MYO16: variants seen among roughly 807,000 people sequenced by gnomAD.
The protein encoded by MYO16 is unconventional myosin-XVI.
MYO16 carries 94 observed loss-of-function variants against 205.3 expected under a neutral mutation model. That is an observed-to-expected ratio of 0.46 (90% CI 0.39 to 0.54). The LOEUF (loss-of-function observed/expected upper bound fraction) is 0.54. Ranked by LOEUF, MYO16 falls within the 20% of genes least tolerant of loss-of-function variation. The pLI is 0.00. For missense variants in MYO16, 2,315 were observed against 2,387.5 expected (o/e 0.97, Z 0.63); for synonymous variants, 988 against 954.0 (o/e 1.04, Z -0.66).
intron 1 of MYO16, among the ~76,000 whole-genome samples, chr13:108,654,373 T>A (rs1023007241): frequency 6.6e-6 from 1 of 152,206 alleles, no homozygotes; most frequent in African/African-American, 2.4e-5. Flanking sequence ...GGGGTTTGCA[T>A]TTCTGCATCT....
At chr13:109,021,063 C>T (rs1886007614) in intron 23 of MYO16, among the ~76,000 whole-genome samples, 1 of 151,854 alleles carries the variant, frequency 6.6e-6, no homozygotes, top group Non-Finnish European at 1.5e-5. Context: ...CCCAGACCTT[C>T]AAAGGTGATT....
intron 23 of MYO16, among the ~76,000 whole-genome samples, chr13:109,024,782 T>A (rs1886307804): frequency 6.6e-6 from 1 of 152,140 alleles, no homozygotes; most frequent in Admixed American, 6.6e-5. Flanking sequence ...GCCAAAAGAC[T>A]CCCTGAGGAC....
At chr13:108,679,243 T>A (rs905535554) in intron 2 of MYO16, among the ~76,000 whole-genome samples, 4 of 152,200 alleles carry the variant, frequency 2.6e-5, no homozygotes, top group African/African-American at 9.6e-5. Flanking sequence ...TGTTGCCTAA[T>A]CAGTGAGGCT....
chr13:108,560,777 G>A, the MYO16 span, among the ~76,000 whole-genome samples: 7 of 152,070 alleles, frequency 4.6e-5, no homozygotes, highest in Non-Finnish European at 8.8e-5. Context: ...ATTACATTTT[G>A]CATTGAATAG....
At chr13:108,901,028 A>G (rs906552745) in intron 15 of MYO16, among the ~76,000 whole-genome samples, 40 of 152,178 alleles carry the variant, frequency 2.6e-4, no homozygotes, top group African/African-American at 9.4e-4. Context: ...GGTCTCCCAC[A>G]GCACTCCCAG....
intron 1 of MYO16, among the ~76,000 whole-genome samples, chr13:108,616,679 A>G (rs531379107): frequency 9.9e-5 from 15 of 152,096 alleles, no homozygotes; most frequent in Non-Finnish European, 1.3e-4. Flanking sequence ...AAGTGCATTA[A>G]ATGTTGCAGT....
At chr13:109,149,220 G>A (rs1877513108) in intron 32 of MYO16, among the ~76,000 whole-genome samples, 1 of 152,160 alleles carries the variant, frequency 6.6e-6, no homozygotes, top group Non-Finnish European at 1.5e-5. Context: ...TACGTATAAT[G>A]GGAAATACTC....
At chr13:109,017,874 T>C (rs1351612414) in intron 22 of MYO16, among the ~76,000 whole-genome samples, 1 of 152,192 alleles carries the variant, frequency 6.6e-6, no homozygotes, top group Non-Finnish European at 1.5e-5. Context: ...CTAATCTTTT[T>C]TCAAGGTTTT....
intron 1 of MYO16, among the ~76,000 whole-genome samples, chr13:108,603,913 G>A (rs1566500448): frequency 6.6e-6 from 1 of 152,018 alleles, no homozygotes. Context: ...CTATTACACT[G>A]CTACAAATAA....
At chr13:109,013,812 TG>T (rs1018996160) in intron 22 of MYO16, among the ~76,000 whole-genome samples, 7 of 152,216 alleles carry the variant, frequency 4.6e-5, no homozygotes, top group African/African-American at 1.2e-4. Flanking sequence ...TTGATGGGGT[TG>T]TTTGATTTTT....
At chr13:108,771,481 C>T (rs1216333403) in intron 4 of MYO16, among the ~76,000 whole-genome samples, 1 of 152,028 alleles carries the variant, frequency 6.6e-6, no homozygotes, top group East Asian at 1.9e-4. Context: ...ACTGATGAAC[C>T]TACCTTGACC....
Position 109,188,301 on chromosome 13 carries a change from G to C in MYO16, c.5415+8668G>C, listed in dbSNP as rs1438790950. Among the ~76,000 whole-genome samples the C allele has an allele frequency of 2.6e-5, 4 of 151,922 alleles. No individual in the cohort carries two copies. The East Asian group carries it at 7.7e-4, about 29-fold the overall frequency. ...TGTTTCTTCGTAACTTCTTAATGTT[G>C]TGCAACTATCTCTACAATGTAATTT... On this transcript the variant is annotated intron_variant, in intron 34 of 34. Coordinates refer to ENST00000457511, the MANE Select transcript of MYO16 (RefSeq NM_001198950.3).
rs114255688 is a variant in MYO16 at position 108,805,359 on chromosome 13, C to T, written c.742-1320C>T. Reference sequence around the variant, plus strand: ...AAGAAATAAACATATATTTACACTCCGTAGATTGAAGAGCCTAATTAGGTC... The same window carrying T: ...AAGAAATAAACATATATTTACACTCTGTAGATTGAAGAGCCTAATTAGGTC... On this transcript the variant is annotated intron_variant, in intron 6 of 34. Coordinates refer to ENST00000457511, the MANE Select transcript of MYO16 (RefSeq NM_001198950.3). 5.4e-3 allele frequency among the ~76,000 whole-genome samples: 822 copies of T among 152,062 alleles called. 5 individuals are homozygous for T. Among genetic ancestry groups the T allele is most frequent in the African/African-American group, 0.019 (774 of 41,476 alleles).
the MYO16 span, among the ~76,000 whole-genome samples, chr13:108,545,543 TG>T: frequency 3.3e-5 from 5 of 152,242 alleles, no homozygotes; most frequent in African/African-American, 1.2e-4. Flanking sequence ...CTGACTTAAA[TG>T]GTACTTCTAT....
At chr13:108,817,356 A>G (rs755352139) in intron 7 of MYO16, among the ~76,000 whole-genome samples, 62 of 152,302 alleles carry the variant, frequency 4.1e-4, no homozygotes, top group Admixed American at 1.8e-3. Context: ...GAAGAGAGAA[A>G]GTGTCAATGC....
rs533176240 is a variant in MYO16 at position 108,872,282 on chromosome 13, A to G, written c.1425+6040A>G. ...AAATGACTCTTATTTGGATGCTTCT[A>G]TGGATCTAGAGGTAAAGTTTTGAGT... On this transcript the variant is annotated intron_variant, in intron 12 of 34. Transcript: ENST00000457511. Among the ~76,000 whole-genome samples, 14 of 152,306 alleles carry G rather than the reference A, an allele frequency of 9.2e-5. No homozygotes were observed. The East Asian group carries it at 2.3e-3, about 25-fold the overall frequency.
At chr13:108,744,996 C>G (rs1013360248) in intron 4 of MYO16, among the ~76,000 whole-genome samples, 1 of 152,102 alleles carries the variant, frequency 6.6e-6, no homozygotes, top group Non-Finnish European at 1.5e-5. Context: ...TTTTAGAAGA[C>G]AAGCAATAAA....
At chr13:108,523,319 T>G in the MYO16 span, among the ~76,000 whole-genome samples, 2 of 152,240 alleles carry the variant, frequency 1.3e-5, no homozygotes, top group Non-Finnish European at 2.9e-5. Context: ...CTGGAGCCAA[T>G]GGAAACTGAG....
At chr13:108,836,919 G>A (rs1432414487) in intron 9 of MYO16, among the ~76,000 whole-genome samples, 1 of 152,130 alleles carries the variant, frequency 6.6e-6, no homozygotes, top group Non-Finnish European at 1.5e-5. Context: ...ATGAGACTTT[G>A]GACTTGGACT....
Sources: allele counts gnomAD v4.1 joint callset (sites outside exome capture counted in the v4.1 genomes callset), GRCh38; gene constraint gnomAD v4.1.1; transcripts MANE v1.5; gene names NCBI Gene and HGNC (gene_info 2026-07-23, HGNC 2026-07-21).